VTI1A: variants seen among roughly 807,000 people sequenced by gnomAD.
VTI1A encodes vesicle transport through interaction with t-SNAREs homolog 1A.
VTI1A carries 22 observed loss-of-function variants against 34.9 expected under a neutral mutation model. The ratio of observed to expected loss-of-function variants is 0.63; its 90% CI spans 0.45 to 0.90. The LOEUF (loss-of-function observed/expected upper bound fraction) is 0.90, where lower values mean the gene tolerates loss of function less well. Ranked by LOEUF, VTI1A falls within the 40% of genes least tolerant of loss-of-function variation. The probability of loss-of-function intolerance (pLI) is 0.00; values close to 1 mark genes in which losing one functional copy is unlikely to be tolerated. For missense variants in VTI1A, 268 were observed against 275.6 expected (o/e 0.97, Z 0.20); for synonymous variants, 87 against 97.3 (o/e 0.89, Z 0.62).
chr10:112,711,103 AT>A (rs1849397824), intron 7 of VTI1A, among the ~76,000 whole-genome samples: 1 of 152,232 alleles, frequency 6.6e-6, no homozygotes, highest in African/African-American at 2.4e-5. Context: ...TTTGGGTATC[AT>A]TTAAATTCAG....
intron 5 of VTI1A, among the ~76,000 whole-genome samples, chr10:112,625,486 A>G (rs927048238): frequency 1.3e-5 from 2 of 152,016 alleles, no homozygotes; most frequent in African/African-American, 4.8e-5. Context: ...TAAAAATACA[A>G]AAAATTAGCC....
At position 112,528,914 on chromosome 10, in the gene VTI1A, G is replaced by A. The variant is rs529828089; in HGVS notation, c.342+1750G>A. Among the ~76,000 whole-genome samples the A allele has an allele frequency of 6.3e-4, 95 of 151,978 alleles. 1 individual carries two copies. The highest frequency in any genetic ancestry group is 2.3e-3 in the African/African-American group (95 of 41,488). ...ACTTCTCTTAATGGACATTTTATAT[G>A]CCTAAAACATTTGCCTTGCGTACAT... On this transcript the variant is annotated intron_variant, in intron 4 of 7. Transcript: ENST00000393077.
chr10:112,781,683 A>G (rs1029191141), intron 7 of VTI1A, among the ~76,000 whole-genome samples: 1 of 151,992 alleles, frequency 6.6e-6, no homozygotes, highest in African/African-American at 2.4e-5. Flanking sequence ...TCTACTAAAA[A>G]AACAAAAATT....
At chr10:112,801,714 C>G (rs1852884258) in intron 7 of VTI1A, among the ~76,000 whole-genome samples, 1 of 152,216 alleles carries the variant, frequency 6.6e-6, no homozygotes, top group Non-Finnish European at 1.5e-5. Flanking sequence ...ACTTGCCATT[C>G]TTTCTGTCTC....
chr10:112,780,960 A>AAG (rs1852104639), intron 7 of VTI1A, among the ~76,000 whole-genome samples: 2 of 151,516 alleles, frequency 1.3e-5, no homozygotes, highest in Admixed American at 6.6e-5. Flanking sequence ...CATTCTTCAG[A>AAG]ATATATATAT....
At chr10:112,844,713 A>G in the VTI1A span, among the ~76,000 whole-genome samples, 1 of 152,146 alleles carries the variant, frequency 6.6e-6, no homozygotes, top group African/African-American at 2.4e-5. Flanking sequence ...ATCCTTTTTT[A>G]TAATTGAAAA....
intron 5 of VTI1A, among the ~76,000 whole-genome samples, chr10:112,633,994 C>T (rs1044752660): frequency 6.6e-6 from 1 of 152,142 alleles, no homozygotes; most frequent in Non-Finnish European, 1.5e-5. Context: ...TGTATCCAAA[C>T]ACCTTTTTCC....
chr10:112,491,863 G>A (rs971875816), intron 3 of VTI1A, among the ~76,000 whole-genome samples: 1 of 152,138 alleles, frequency 6.6e-6, no homozygotes, highest in African/African-American at 2.4e-5. Flanking sequence ...AGCCTGTTGG[G>A]CATAAAAATA....
Position 112,477,517 on chromosome 10 carries a change from A to T in VTI1A, c.264+12860A>T, listed in dbSNP as rs188974018. ...TTTGGTTCTGTTAAGTATTATTTAA[A>T]CAAGTTACCACTGTCTTGGACTTGG... On this transcript the variant is annotated intron_variant, in intron 3 of 7. Coordinates refer to ENST00000393077, the MANE Select transcript of VTI1A (RefSeq NM_145206.4). Among the ~76,000 whole-genome samples the T allele has an allele frequency of 7.9e-5, 12 of 152,358 alleles. No homozygotes were observed. In the South Asian group the frequency reaches 2.5e-3, roughly 32 times the overall value.
intron 5 of VTI1A, among the ~76,000 whole-genome samples, chr10:112,604,904 T>C (rs1056159057): frequency 1.9e-4 from 29 of 152,172 alleles, no homozygotes; most frequent in African/African-American, 6.0e-4. Context: ...AAATGTGTCA[T>C]AGTGAACATT....
chr10:112,511,460 G>A (rs538890482), intron 3 of VTI1A, among the ~76,000 whole-genome samples: 2 of 152,068 alleles, frequency 1.3e-5, no homozygotes, highest in South Asian at 4.2e-4. Context: ...GCCAAGGATG[G>A]TCTAGATCTC....
chr10:112,841,908 C>G, the VTI1A span, among the ~76,000 whole-genome samples: 4 of 152,286 alleles, frequency 2.6e-5, no homozygotes, highest in South Asian at 6.2e-4. Context: ...TAGGAATCTG[C>G]TCTGATGCAG....
chr10:112,781,315 C>T (rs1255600687), intron 7 of VTI1A, among the ~76,000 whole-genome samples: 5 of 152,178 alleles, frequency 3.3e-5, no homozygotes, highest in African/African-American at 9.7e-5. Flanking sequence ...CTCAGTCCTA[C>T]AGCAGCTACA....
chr10:112,604,940 T>A (rs1000647224), intron 5 of VTI1A, among the ~76,000 whole-genome samples: 2 of 152,214 alleles, frequency 1.3e-5, no homozygotes, highest in Non-Finnish European at 2.9e-5. Context: ...ATTCTGTACA[T>A]CTATCTCTGG....
At chr10:112,838,499 CT>C in the VTI1A span, among the ~76,000 whole-genome samples, 7,306 of 152,238 alleles carry the variant, frequency 0.048, 599 homozygotes, top group African/African-American at 0.17. Context: ...TTTTTTCCCC[CT>C]AGACTAATTT....
At chr10:112,759,649 A>G (rs1851393830) in intron 7 of VTI1A, among the ~76,000 whole-genome samples, 1 of 152,312 alleles carries the variant, frequency 6.6e-6, no homozygotes, top group East Asian at 1.9e-4. Flanking sequence ...CCAGTCAACC[A>G]TAACACCTAC....
chr10:112,447,284 G>C lies in VTI1A; in HGVS notation c.-90G>C. ...CGTTCTGCTCTCGGGGGCACCTTCC[G>C]GGGTTCCTAAGCCGCGGGGCCCCTC... On this transcript the variant is annotated 5_prime_UTR_variant, in exon 1 of 8. Coordinates refer to ENST00000393077, the MANE Select transcript of VTI1A (RefSeq NM_145206.4). 1 of 1,422,590 alleles carries C rather than the reference G, an allele frequency of 7.0e-7. No individual in the cohort carries two copies. Among genetic ancestry groups the C allele is most frequent in the Non-Finnish European group, 9.6e-7 (1 of 1,042,794 alleles). The allele number at this position is 1,422,590 out of a possible 1,614,324, so 88.1% of individuals were successfully genotyped here.
chr10:112,713,063 T>C lies in VTI1A; in HGVS notation c.560+44065T>C, dbSNP rs185571623. Among the ~76,000 whole-genome samples, 4 of 152,244 alleles carry C rather than the reference T, an allele frequency of 2.6e-5. No individual in the cohort carries two copies. In the East Asian group the frequency reaches 7.7e-4, roughly 29 times the overall value. ...AGCTTTAGGGATCCCCTTTCTGTGT[T>C]TCCATGGCCATCAAGGCTGCCCAGA... On this transcript the variant is annotated intron_variant, in intron 7 of 7. Coordinates refer to ENST00000393077, the MANE Select transcript of VTI1A (RefSeq NM_145206.4).
At chr10:112,805,457 A>G (rs1853041913) in intron 7 of VTI1A, among the ~76,000 whole-genome samples, 1 of 152,226 alleles carries the variant, frequency 6.6e-6, no homozygotes, top group African/African-American at 2.4e-5. Context: ...GTTGTGACAG[A>G]CTGCGTAGTC....
Sources: allele counts gnomAD v4.1 joint callset (sites outside exome capture counted in the v4.1 genomes callset), GRCh38; gene constraint gnomAD v4.1.1; transcripts MANE v1.5; gene names NCBI Gene and HGNC (gene_info 2026-07-23, HGNC 2026-07-21).